RRAGC: variants seen among roughly 807,000 people sequenced by gnomAD.
The protein encoded by RRAGC is ras-related GTP-binding protein C.
RRAGC carries 8 observed loss-of-function variants against 37.1 expected under a neutral mutation model. The observed-to-expected ratio is 0.22, with a 90% CI of 0.13 to 0.39. The LOEUF is 0.39. Ranked by LOEUF, RRAGC falls within the 10% of genes least tolerant of loss-of-function variation. The pLI is 1.00. For synonymous variants in RRAGC, 190 were observed against 181.1 expected (o/e 1.05, Z -0.39); for missense variants, 342 against 497.6 (o/e 0.69, Z 2.98).
intron 2 of RRAGC, among the ~76,000 whole-genome samples, 174 bp from the exon 3 acceptor site, chr1:38,856,081 T>TA (rs912496974): frequency 3.3e-5 from 5 of 152,146 alleles, no homozygotes; most frequent in Non-Finnish European, 7.4e-5. Context: ...TGTCTCAAGA[T>TA]AAAAAAATTC....
intron 2 of RRAGC, among the ~76,000 whole-genome samples, chr1:38,856,462 T>C (rs1473034663): frequency 6.6e-6 from 1 of 152,220 alleles, no homozygotes; most frequent in African/African-American, 2.4e-5. Flanking sequence ...CCTCCATAAA[T>C]GTTTGTTGAG....
chr1:38,840,592 G>A (rs1448236974), intron 6 of RRAGC, among the ~76,000 whole-genome samples: 1 of 152,186 alleles, frequency 6.6e-6, no homozygotes, highest in Non-Finnish European at 1.5e-5. Context: ...GTAATCAACT[G>A]AAAACTTCAG....
chr1:38,852,741 C>T, intron 3 of RRAGC: 1 of 231,210 alleles, frequency 4.3e-6, no homozygotes, highest in Non-Finnish European at 8.3e-6. Flanking sequence ...ACATAAACTC[C>T]AATATTCACC....
chr1:38,857,226 G>T, intron 1 of RRAGC, 144 bp from the exon 2 acceptor site: 1 of 617,204 alleles, frequency 1.6e-6, no homozygotes. Context: ...GAATCCATTG[G>T]TATTCACTAT....
At chr1:38,853,350 T>G (rs1030088108) in intron 3 of RRAGC, among the ~76,000 whole-genome samples, 4 of 152,224 alleles carry the variant, frequency 2.6e-5, no homozygotes, top group African/African-American at 9.6e-5. Context: ...CAATTCTATC[T>G]GCTTTATAAC....
intron 6 of RRAGC, among the ~76,000 whole-genome samples, chr1:38,841,185 T>C (rs751250753): frequency 6.6e-6 from 1 of 152,140 alleles, no homozygotes. Flanking sequence ...TCTCTACTTT[T>C]TTATATATTT....
At chr1:38,846,290 T>C (rs113978686) in intron 5 of RRAGC, 21 of 508,978 alleles carry the variant, frequency 4.1e-5, no homozygotes, top group East Asian at 2.5e-4. Context: ...AACAACTCCA[T>C]ACACATCCTT....
intron 3 of RRAGC, among the ~76,000 whole-genome samples, chr1:38,855,052 TTTC>T (rs1423018798): frequency 6.6e-6 from 1 of 152,230 alleles, no homozygotes; most frequent in African/African-American, 2.4e-5. Flanking sequence ...TTAATAATAA[TTTC>T]TTAACAGTAG....
At chr1:38,845,270 A>G (rs1184797491) in intron 6 of RRAGC, among the ~76,000 whole-genome samples, 1 of 152,214 alleles carries the variant, frequency 6.6e-6, no homozygotes, top group Non-Finnish European at 1.5e-5. Context: ...TGTGGCACAT[A>G]TACATCATGG....
In RRAGC at chr1:38,852,606, C is replaced by T. The variant is rs138931214; in HGVS notation, c.642-118G>A. 186 of 574,858 alleles carry T rather than the reference C, an allele frequency of 3.2e-4. 1 individual carries two copies. The African/African-American group carries it at 3.3e-3, about 10-fold the overall frequency. The allele number at this position is 574,858 out of a possible 1,614,324, so 35.6% of individuals were successfully genotyped here. On this transcript the variant is annotated intron_variant, in intron 3 of 6. Coordinates refer to ENST00000373001, the MANE Select transcript of RRAGC (RefSeq NM_022157.4). The stretch of plus-strand genomic sequence containing the variant: ...TTGATTTCAGTGAGTTCAATAAAGC[C>T]TCTTTATCTTGTCTACCATACCCAT...
intron 3 of RRAGC, among the ~76,000 whole-genome samples, chr1:38,853,688 G>A (rs34864161): frequency 0.071 from 10,784 of 151,804 alleles, 430 homozygotes; most frequent in Middle Eastern, 0.15. Context: ...CAGAGGTTGC[G>A]GTGAGCCGAG....
intron 4 of RRAGC, among the ~76,000 whole-genome samples, 167 bp downstream of exon 4, chr1:38,852,207 T>C (rs1642109266): frequency 6.6e-6 from 1 of 152,204 alleles, no homozygotes; most frequent in African/African-American, 2.4e-5. Context: ...ATTCAGAAAA[T>C]AACTTGAATA....
rs1642175280 is a variant in RRAGC, at chr1:38,857,010, T to A, written c.310A>T (p.Ile104Phe). The change falls in exon 2 of 7, where the codon ATT becomes TTT. Residue 104 changes from isoleucine (I) to phenylalanine (F), a missense_variant. By Grantham distance (21) the Ile-to-Phe change is conservative (BLOSUM62 0). Transcript: ENST00000373001. ...ESTNKIYKDD[I>F]SNSSFVNFQI... ...AAATTCACAAAGGAGCTATTGGAAA[T>A]GTCATCCTTATAAATCTTGTTGGTA... 6.2e-7 allele frequency: 1 copy of A among 1,613,970 alleles called. No individual in the cohort carries two copies. The highest frequency in any genetic ancestry group is 8.5e-7 in the Non-Finnish European group (1 of 1,179,970).
At position 38,838,627 on chromosome 1, in the gene RRAGC, A is replaced by C. The variant is rs1641912487; in HGVS notation, c.*926T>G. ...GTTGCAGCACCACGTGCTCACTCCA[A>C]CTCCCAGTGGACAGTCCCCCAATGC... On this transcript the variant is annotated 3_prime_UTR_variant, in exon 7 of 7. Coordinates refer to ENST00000373001, the MANE Select transcript of RRAGC (RefSeq NM_022157.4). 1 of 152,174 alleles carries C rather than the reference A, an allele frequency of 6.6e-6. No homozygotes were observed. The allele number at this position is 152,174 out of a possible 1,614,324, so 9.4% of individuals were successfully genotyped here. A position where few individuals can be genotyped will look rare whatever the true frequency, so the allele number is the denominator to read the frequency against.
chr1:38,859,252 C>A (rs1280289857), intron 1 of RRAGC, among the ~76,000 whole-genome samples, 158 bp downstream of exon 1: 1 of 152,240 alleles, frequency 6.6e-6, no homozygotes, highest in African/African-American at 2.4e-5. Flanking sequence ...AGGTCGGGGT[C>A]CCCGCGCGGG....
chr1:38,855,937 A>G (rs778120562), intron 2 of RRAGC, 30 bp from the exon 3 acceptor site: 7 of 1,557,234 alleles, frequency 4.5e-6, no homozygotes, highest in Non-Finnish European at 6.1e-6. Flanking sequence ...ATTTTTTAAA[A>G]TAAATCTTAC....
At chr1:38,846,239 G>T (rs1570862401) in intron 5 of RRAGC, 152 bp from the exon 6 acceptor site, 1 of 631,246 alleles carries the variant, frequency 1.6e-6, no homozygotes, top group African/African-American at 1.9e-5. Context: ...TTAAGGTATA[G>T]TGTTCCTAAA....
Position 38,857,099 on chromosome 1 carries a change from G to A in RRAGC, c.238-17C>T. 2 of 1,565,144 alleles carry A rather than the reference G, an allele frequency of 1.3e-6. No individual in the cohort carries two copies. The highest frequency in any genetic ancestry group is 1.1e-5 in the South Asian group (1 of 88,944). On this transcript the variant is annotated splice_polypyrimidine_tract_variant and intron_variant, in intron 1 of 6. Coordinates refer to ENST00000373001, the MANE Select transcript of RRAGC (RefSeq NM_022157.4). ...AAACACCACCTGTTAAAAGAAAACA[G>A]GCAATTTTATGACTATTAAACTTCA...
chr1:38,853,470 G>A (rs1046194427), intron 3 of RRAGC, among the ~76,000 whole-genome samples: 1 of 152,204 alleles, frequency 6.6e-6, no homozygotes, highest in African/African-American at 2.4e-5. Context: ...TTTCAGCTGG[G>A]CGCGATGGCT....
Sources: allele counts gnomAD v4.1 joint callset (sites outside exome capture counted in the v4.1 genomes callset), GRCh38; gene constraint gnomAD v4.1.1; transcripts MANE v1.5; gene names NCBI Gene and HGNC (gene_info 2026-07-23, HGNC 2026-07-21).